The following CTNNB1 variants were observed in gnomAD, a reference collection of about 807,000 sequenced individuals.
CTNNB1 encodes the protein catenin beta-1.
CTNNB1 carries 6 observed loss-of-function variants against 82.5 expected under a neutral mutation model. The ratio of observed to expected loss-of-function variants is 0.07; its 90% CI spans 0.04 to 0.14. The LOEUF (loss-of-function observed/expected upper bound fraction) is 0.14. CTNNB1 is among the 10% of genes least tolerant of loss of function. The pLI is 1.00. For missense variants in CTNNB1, 529 were observed against 980.4 expected, an observed-to-expected ratio of 0.54 and a Z score of 6.15; for synonymous variants, 312 against 329.7, an observed-to-expected ratio of 0.95 and a Z score of 0.58.
At chr3:41,236,216 A>C (rs2078431384) in intron 11 of CTNNB1, 133 bp from the exon 12 acceptor site, 1 of 1,110,250 alleles carries the variant, frequency 9.0e-7, no homozygotes, top group African/African-American at 1.5e-5. Flanking sequence ...CAAGACATAA[A>C]ATTCAGAGAA....
At chr3:41,229,160 T>C (rs539926828) in intron 7 of CTNNB1, among the ~76,000 whole-genome samples, 5 of 152,342 alleles carry the variant, frequency 3.3e-5, no homozygotes, top group African/African-American at 1.2e-4. Flanking sequence ...TTTTGTTCTT[T>C]TTGCTTAGGA....
chr3:41,219,856 G>T (rs1338603090), intron 1 of CTNNB1, among the ~76,000 whole-genome samples: 1 of 152,176 alleles, frequency 6.6e-6, no homozygotes, highest in Non-Finnish European at 1.5e-5. Context: ...TTGCAGCATT[G>T]TTGGAATAAT....
At chr3:41,206,404 G>A (rs1373634234) in intron 1 of CTNNB1, among the ~76,000 whole-genome samples, 1 of 152,104 alleles carries the variant, frequency 6.6e-6, no homozygotes, top group African/African-American at 2.4e-5. Flanking sequence ...AGCAGAAATA[G>A]ATATATGCAT....
chr3:41,236,780 C>G (rs2078447264), intron 13 of CTNNB1, 71 bp downstream of exon 13: 1 of 1,591,842 alleles, frequency 6.3e-7, no homozygotes, highest in African/African-American at 1.3e-5. Context: ...TCTTTCCTCT[C>G]AAAACACTTA....
chr3:41,218,333 T>G (rs2077960133), intron 1 of CTNNB1, among the ~76,000 whole-genome samples: 2 of 152,222 alleles, frequency 1.3e-5, no homozygotes, highest in Non-Finnish European at 2.9e-5. Context: ...TTGCTGTGGT[T>G]GTTGATTTAT....
At chr3:41,226,728 G>C (rs987409220) in intron 6 of CTNNB1, among the ~76,000 whole-genome samples, 1 of 152,116 alleles carries the variant, frequency 6.6e-6, no homozygotes, top group South Asian at 2.1e-4. Context: ...TGAAAGGGAA[G>C]ATATACAGGG....
Position 41,225,785 on chromosome 3 carries a change from A to G in CTNNB1, c.860A>G (p.Asn287Ser), listed in dbSNP as rs35288908. ...GGLQKMVALL[N>S]KTNVKFLAIT... ...CTGCAGAAAATGGTTGCCTTGCTCA[A>G]CAAAACAAATGTTAAATTCTTGGCT... Residue 287 changes from asparagine to serine, a missense_variant, in exon 6 of 15, where the codon AAC (asparagine) becomes AGC (serine). By Grantham distance (46) the Asn-to-Ser change is conservative. Coordinates refer to ENST00000349496, the MANE Select transcript of CTNNB1 (RefSeq NM_001904.4). The surrounding 1 kb of genome is among the most constrained non-coding windows in gnomAD (Gnocchi z 5.3). 1.2e-3 allele frequency: 1,961 copies of G among 1,614,172 alleles called. 2 individuals carry two copies. Among genetic ancestry groups the G allele is most frequent in the Non-Finnish European group, 1.5e-3 (1,827 of 1,180,010 alleles).
intron 1 of CTNNB1, among the ~76,000 whole-genome samples, chr3:41,201,114 A>G (rs552520244): frequency 1.3e-5 from 2 of 152,334 alleles, no homozygotes; most frequent in South Asian, 4.1e-4. Flanking sequence ...TTAGGAAGCC[A>G]TTTCAGTATT....
chr3:41,227,690 G>T (rs1459849993), intron 7 of CTNNB1, among the ~76,000 whole-genome samples: 2 of 152,186 alleles, frequency 1.3e-5, no homozygotes, highest in Non-Finnish European at 2.9e-5. Context: ...ACAGTTTTAT[G>T]TAAAGTGATT....
chr3:41,227,913 C>G (rs2078216362), intron 7 of CTNNB1, among the ~76,000 whole-genome samples: 1 of 152,080 alleles, frequency 6.6e-6, no homozygotes, highest in Admixed American at 6.6e-5. Flanking sequence ...CTGTTGTTCC[C>G]TTCTTTGTGC....
At chr3:41,213,242 T>C (rs2077835916) in intron 1 of CTNNB1, among the ~76,000 whole-genome samples, 1 of 152,110 alleles carries the variant, frequency 6.6e-6, no homozygotes, top group African/African-American at 2.4e-5. Context: ...TGACTTTAGG[T>C]TTTTGTGTGT....
rs570479766 is a variant in CTNNB1, at chr3:41,239,219, C to A, written c.2223C>A (p.Gly741=). The A allele has an allele frequency of 2.0e-5, 33 of 1,613,840 alleles. No homozygotes were observed. Among genetic ancestry groups the A allele is most frequent in the Non-Finnish European group, 2.7e-5 (32 of 1,179,838 alleles). ...CCATGATGGAACATGAGATGGGTGGCCACCACCCTGGTGCTGACTATCCAG... is the reference window on the plus strand; with the variant it reads ...CCATGATGGAACATGAGATGGGTGGACACCACCCTGGTGCTGACTATCCAG... ...MDPMMEHEMG[G]HHPGADYPVD... Residue 741 remains glycine (G), a synonymous_variant, in exon 15 of 15, where the codon GGC becomes GGA. Transcript: ENST00000349496.
At chr3:41,238,224 A>T in intron 14 of CTNNB1, 148 bp downstream of exon 14, 1 of 730,522 alleles carries the variant, frequency 1.4e-6, no homozygotes, top group Non-Finnish European at 2.5e-6. Flanking sequence ...TCCAGTCAGC[A>T]ACAGTATCTT....
intron 10 of CTNNB1, chr3:41,234,654 T>A (rs1301457575): frequency 3.6e-6 from 1 of 281,562 alleles, no homozygotes; most frequent in Non-Finnish European, 6.8e-6. Flanking sequence ...TACCCTTGCC[T>A]CATCATGCAT....
intron 1 of CTNNB1, among the ~76,000 whole-genome samples, chr3:41,202,208 C>T (rs1009790747): frequency 6.6e-6 from 1 of 152,088 alleles, no homozygotes; most frequent in African/African-American, 2.4e-5. Flanking sequence ...ATACATCTGT[C>T]CTGTTACAAG....
chr3:41,236,275 T>G, intron 11 of CTNNB1, 74 bp from the exon 12 acceptor site: 1 of 1,564,938 alleles, frequency 6.4e-7, no homozygotes, highest in Non-Finnish European at 8.8e-7. Context: ...ATTGGGAATG[T>G]TTGCACCACA....
At position 41,225,770 on chromosome 3, in the gene CTNNB1, T is replaced by C. The variant is rs770030043; in HGVS notation, c.845T>C (p.Met282Thr). Residue 282 changes from methionine (M) to threonine (T), a missense_variant, in exon 6 of 15, where the codon ATG becomes ACG. By Grantham distance (81) the Met-to-Thr change is moderately conservative. Transcript: ENST00000349496. The surrounding 1 kb of genome is among the most constrained non-coding windows in gnomAD (Gnocchi z 5.3). ...AVRLAGGLQKMVALLNKTNVK... is the reference protein window; with the variant it reads ...AVRLAGGLQKTVALLNKTNVK... ...CGTTTAGCTGGTGGGCTGCAGAAAA[T>C]GGTTGCCTTGCTCAACAAAACAAAT... 1.2e-6 allele frequency: 2 copies of C among 1,614,142 alleles called. No individual in the cohort carries two copies. The highest frequency in any genetic ancestry group is 8.5e-7 in the Non-Finnish European group (1 of 1,180,004).
Position 41,225,940 on chromosome 3 carries a change from A to C in CTNNB1, c.936+79A>C. Reference sequence around the variant, plus strand: ...TCATGTCATTCCATGCAGTGTTCCTAACCTTTTTGGCACCAGGGACCAGTT... The same window carrying C: ...TCATGTCATTCCATGCAGTGTTCCTCACCTTTTTGGCACCAGGGACCAGTT... On this transcript the variant is annotated intron_variant, in intron 6 of 14. Coordinates refer to ENST00000349496, the MANE Select transcript of CTNNB1 (RefSeq NM_001904.4). This position sits in a 1 kb window ranked among gnomAD's most constrained non-coding sequence, Gnocchi z 5.3. 1 of 1,390,920 alleles carries C rather than the reference A, an allele frequency of 7.2e-7. No homozygotes were observed. Among genetic ancestry groups the C allele is most frequent in the Non-Finnish European group, 1.0e-6 (1 of 991,384 alleles). 86.2% of individuals were successfully genotyped at this position (1,390,920 alleles called of 1,614,324 possible).
At chr3:41,237,697 CTTTT>C (rs548643863) in intron 13 of CTNNB1, 130 of 139,896 alleles carry the variant, frequency 9.3e-4, no homozygotes, top group South Asian at 2.0e-3. Context: ...GGCATTTTGC[CTTTT>C]TTTTTTTTTT....
Sources: allele counts gnomAD v4.1 joint callset (sites outside exome capture counted in the v4.1 genomes callset), GRCh38; gene constraint gnomAD v4.1.1; non-coding constraint Gnocchi (gnomAD v3.1); transcripts MANE v1.5; gene names NCBI Gene and HGNC (gene_info 2026-07-23, HGNC 2026-07-21).